RAB15: variants seen among roughly 807,000 people sequenced by gnomAD.
RAB15 encodes the protein ras-related protein Rab-15.
Under a neutral mutation model 31.8 loss-of-function variants are expected in RAB15, and 13 were observed. The ratio of observed to expected loss-of-function variants is 0.41; its 90% CI spans 0.27 to 0.65. The LOEUF is 0.65. RAB15 is among the 30% of genes least tolerant of loss of function. The pLI is 0.32. For synonymous variants in RAB15, 100 were observed against 105.6 expected, an observed-to-expected ratio of 0.95 and a Z score of 0.33; for missense variants, 220 against 277.3, an observed-to-expected ratio of 0.79 and a Z score of 1.47.
At chr14:64,960,260 G>T (rs1034742387) in intron 1 of RAB15, among the ~76,000 whole-genome samples, 2 of 152,218 alleles carry the variant, frequency 1.3e-5, no homozygotes, top group African/African-American at 4.8e-5. Context: ...AAGCTAGCTC[G>T]CCTTGGGTGG....
rs1165658897 is a variant in RAB15, at chr14:64,952,110, C to T, written c.185+401G>A. ...CCTCAGGCAGAGAGCCACAGCAGCA[C>T]CCTCTGCTACTGTGGAAACTTCATC... On this transcript the variant is annotated intron_variant, in intron 2 of 6. Transcript: ENST00000533601. This position sits in a 1 kb window ranked among gnomAD's most constrained non-coding sequence, Gnocchi z 4.2. Among the ~76,000 whole-genome samples, 1 of 152,208 alleles carries T rather than the reference C, an allele frequency of 6.6e-6. No individual in the cohort carries two copies. Among genetic ancestry groups the T allele is most frequent in the Non-Finnish European group, 1.5e-5 (1 of 68,034 alleles).
rs1886175341 is a variant in RAB15 at position 64,950,257 on chromosome 14, A to C, written c.414+68T>G. The C allele has an allele frequency of 7.6e-7, 1 of 1,319,554 alleles. No homozygotes were observed. Among genetic ancestry groups the C allele is most frequent in the African/African-American group, 1.5e-5 (1 of 68,702 alleles). The allele number at this position is 1,319,554 out of a possible 1,614,324, so 81.7% of individuals were successfully genotyped here. A position where few individuals can be genotyped will look rare whatever the true frequency, so the allele number is the denominator to read the frequency against. On this transcript the variant is annotated intron_variant, in intron 5 of 6. Transcript: ENST00000533601. This position sits in a 1 kb window ranked among gnomAD's most constrained non-coding sequence, Gnocchi z 5.6. ...CTGGGGAACACACCCCTAGGTCCCC[A>C]CGCTCAGGACTGGCCCTGGAGGCCC...
At position 64,948,252 on chromosome 14, in the gene RAB15, A is replaced by G; in HGVS notation, c.*102T>C. On this transcript the variant is annotated 3_prime_UTR_variant, in exon 7 of 7. Coordinates refer to ENST00000533601, the MANE Select transcript of RAB15 (RefSeq NM_001308154.2). The surrounding 1 kb of genome is among the most constrained non-coding windows in gnomAD (Gnocchi z 7.0). ...GTGGCTACTGATACTCAATAGGGTC[A>G]TCACACGAGAGGACAGCAGCAGGGC... 1 of 1,258,800 alleles carries G rather than the reference A, an allele frequency of 7.9e-7. No individual in the cohort carries two copies. The highest frequency in any genetic ancestry group is 1.1e-6 in the Non-Finnish European group (1 of 943,642). The allele number at this position is 1,258,800 out of a possible 1,614,324, so 78.0% of individuals were successfully genotyped here.
rs117473421 is a variant in RAB15, at chr14:64,962,792, G to C, written c.124+9161C>G. Among the ~76,000 whole-genome samples the C allele has an allele frequency of 1.4e-3, 206 of 152,274 alleles. 1 individual carries two copies. The highest frequency in any genetic ancestry group is 2.4e-3 in the Non-Finnish European group (162 of 68,028). ...GCAGCAAGACCCCTCCCTTCTCTCA[G>C]GTCTTGTGTGGACCCTCACATGTGC... On this transcript the variant is annotated intron_variant, in intron 1 of 6. Transcript: ENST00000533601. The surrounding 1 kb of genome is among the most constrained non-coding windows in gnomAD (Gnocchi z 4.2).
rs1012190265 is a variant in RAB15 at position 64,953,722 on chromosome 14, C to G, written c.125-1151G>C. ...TTGCTGACCATGCCTCTCCCCAACT[C>G]TAACTATACCCAGGCACTATGCCCA... On this transcript the variant is annotated intron_variant, in intron 1 of 6. Coordinates refer to ENST00000533601, the MANE Select transcript of RAB15 (RefSeq NM_001308154.2). This position sits in a 1 kb window ranked among gnomAD's most constrained non-coding sequence, Gnocchi z 4.6. 2.2e-6 allele frequency: 2 copies of G among 901,644 alleles called. No homozygotes were observed. Among genetic ancestry groups the G allele is most frequent in the African/African-American group, 3.6e-5 (2 of 55,470 alleles). The allele number at this position is 901,644 out of a possible 1,614,324, so 55.9% of individuals were successfully genotyped here. A position where few individuals can be genotyped will look rare whatever the true frequency, so the allele number is the denominator to read the frequency against.
chr14:64,948,305 G>A lies in RAB15; in HGVS notation c.*49C>T, dbSNP rs1277669166. On this transcript the variant is annotated 3_prime_UTR_variant, in exon 7 of 7. Coordinates refer to ENST00000533601, the MANE Select transcript of RAB15 (RefSeq NM_001308154.2). The surrounding 1 kb of genome is among the most constrained non-coding windows in gnomAD (Gnocchi z 7.0). ...AGCCCCGGCTCCCCTGTCTGCCCAC[G>A]GGCCTCCTGAGGGAAGAGGGGTGTC... 25 of 1,446,824 alleles carry A rather than the reference G, an allele frequency of 1.7e-5. No homozygotes were observed. Among genetic ancestry groups the A allele is most frequent in the South Asian group, 5.8e-5 (4 of 69,510 alleles). The allele number at this position is 1,446,824 out of a possible 1,614,324, so 89.6% of individuals were successfully genotyped here.
rs1445323480 is a variant in RAB15, at chr14:64,971,214, C to T, written c.124+739G>A. 1.3e-5 allele frequency among the ~76,000 whole-genome samples: 2 copies of T among 152,196 alleles called. No individual in the cohort carries two copies. The highest frequency in any genetic ancestry group is 2.9e-5 in the Non-Finnish European group (2 of 68,032). On this transcript the variant is annotated intron_variant, in intron 1 of 6. Coordinates refer to ENST00000533601, the MANE Select transcript of RAB15 (RefSeq NM_001308154.2). The surrounding 1 kb of genome is among the most constrained non-coding windows in gnomAD (Gnocchi z 4.1). Reference sequence around the variant, plus strand: ...CATCATAGTGCTGTCTGGGATGCCACCGGGTCTTGTCCCTCTAACCACAGG... The same window carrying T: ...CATCATAGTGCTGTCTGGGATGCCATCGGGTCTTGTCCCTCTAACCACAGG...
At position 64,950,236 on chromosome 14, in the gene RAB15, G is replaced by C. The variant is rs1377927405; in HGVS notation, c.414+89C>G. On this transcript the variant is annotated intron_variant, in intron 5 of 6. Transcript: ENST00000533601. This position sits in a 1 kb window ranked among gnomAD's most constrained non-coding sequence, Gnocchi z 5.6. ...GACGTGTGGGAGGACCTGCCACTGG[G>C]GAACACACCCCTAGGTCCCCACGCT... The C allele has an allele frequency of 9.1e-7, 1 of 1,094,144 alleles. No individual in the cohort carries two copies. The highest frequency in any genetic ancestry group is 1.4e-6 in the Non-Finnish European group (1 of 710,622). 67.8% of individuals were successfully genotyped at this position (1,094,144 alleles called of 1,614,324 possible).
At chr14:64,967,593 A>AT (rs913102014) in intron 1 of RAB15, among the ~76,000 whole-genome samples, 21 of 151,952 alleles carry the variant, frequency 1.4e-4, no homozygotes, top group African/African-American at 5.1e-4. Flanking sequence ...CTCAAAAAAA[A>AT]AAAAATAGAA....
rs1402959540 is a variant in RAB15, at chr14:64,955,638, T to TTCTCCACTGTTTTA, written c.125-3081_125-3068dup. Among the ~76,000 whole-genome samples, 31 of 152,332 alleles carry TTCTCCACTGTTTTA rather than the reference T, an allele frequency of 2.0e-4. No homozygotes were observed. In the East Asian group the frequency reaches 5.6e-3, roughly 27 times the overall value. ...ACCCCTGTGCTCTCAGCAGGATACC[T>TTCTCCACTGTTTTA]TCTCCACTGTTTTATGGCCCAGATG... On this transcript the variant is annotated intron_variant, in intron 1 of 6. Coordinates refer to ENST00000533601, the MANE Select transcript of RAB15 (RefSeq NM_001308154.2). The surrounding 1 kb of genome is among the most constrained non-coding windows in gnomAD (Gnocchi z 4.4).
Position 64,950,423 on chromosome 14 carries a change from A to C in RAB15, c.325-9T>G. 1.2e-6 allele frequency: 2 copies of C among 1,611,740 alleles called. No individual in the cohort carries two copies. The stretch of plus-strand genomic sequence containing the variant: ...ACGCCTTCTGGTGCGTACTAGGGAC[A>C]AAGGATGGGCAGAACAGCCAGTGAG... On this transcript the variant is annotated splice_polypyrimidine_tract_variant and intron_variant, in intron 4 of 6. Coordinates refer to ENST00000533601, the MANE Select transcript of RAB15 (RefSeq NM_001308154.2). The surrounding 1 kb of genome is among the most constrained non-coding windows in gnomAD (Gnocchi z 5.6).
chr14:64,951,516 G>C lies in RAB15; in HGVS notation c.246+87C>G. ...CCAAGCAGGCGAACTGTATTTAGGG[G>C]ATCCGTGGCACAGACATCTCAAATA... is the stretch of plus-strand genomic sequence containing the variant. On this transcript the variant is annotated intron_variant, in intron 3 of 6. Transcript: ENST00000533601. This position sits in a 1 kb window ranked among gnomAD's most constrained non-coding sequence, Gnocchi z 7.2. The C allele has an allele frequency of 8.3e-7, 1 of 1,202,954 alleles. No homozygotes were observed. Among genetic ancestry groups the C allele is most frequent in the Non-Finnish European group, 1.2e-6 (1 of 804,250 alleles). The allele number at this position is 1,202,954 out of a possible 1,614,324, so 74.5% of individuals were successfully genotyped here.
chr14:64,966,255 T>A lies in RAB15; in HGVS notation c.124+5698A>T, dbSNP rs1887131711. Reference sequence around the variant, plus strand: ...AGCATGGCACCTGGCATGTAGTTGGTGTTCAGCAAATAGCGCCTGAACGAC... The same window carrying A: ...AGCATGGCACCTGGCATGTAGTTGGAGTTCAGCAAATAGCGCCTGAACGAC... On this transcript the variant is annotated intron_variant, in intron 1 of 6. Coordinates refer to ENST00000533601, the MANE Select transcript of RAB15 (RefSeq NM_001308154.2). Among the ~76,000 whole-genome samples, 5 of 152,358 alleles carry A rather than the reference T, an allele frequency of 3.3e-5. No homozygotes were observed. In the South Asian group the frequency reaches 1.0e-3, roughly 32 times the overall value.
chr14:64,957,600 C>T (rs1886646902), intron 1 of RAB15, among the ~76,000 whole-genome samples: 1 of 152,208 alleles, frequency 6.6e-6, no homozygotes, highest in South Asian at 2.1e-4. Context: ...CAGCATACCC[C>T]TGAGCTATGG....
chr14:64,971,563 C>T lies in RAB15; in HGVS notation c.124+390G>A, dbSNP rs1224628750. ...GGCGCCTCAGTGACTCCGGTCTCCA[C>T]CCTGACCCCCTTTTCCGTAGCAGAA... is the stretch of plus-strand genomic sequence containing the variant. On this transcript the variant is annotated intron_variant, in intron 1 of 6. Coordinates refer to ENST00000533601, the MANE Select transcript of RAB15 (RefSeq NM_001308154.2). The surrounding 1 kb of genome is among the most constrained non-coding windows in gnomAD (Gnocchi z 4.1). Among the ~76,000 whole-genome samples the T allele has an allele frequency of 2.0e-5, 3 of 152,034 alleles. No individual in the cohort carries two copies. The highest frequency in any genetic ancestry group is 7.2e-5 in the African/African-American group (3 of 41,408).
chr14:64,954,008 T>C lies in RAB15; in HGVS notation c.125-1437A>G. On this transcript the variant is annotated intron_variant, in intron 1 of 6. Coordinates refer to ENST00000533601, the MANE Select transcript of RAB15 (RefSeq NM_001308154.2). This position sits in a 1 kb window ranked among gnomAD's most constrained non-coding sequence, Gnocchi z 4.3. ...CCCTTATCTGTGCTGTCCCCAGCTT[T>C]CTACAAAGGCAAACAAATTAAATTC... 1.0e-6 allele frequency: 1 copy of C among 985,418 alleles called. No homozygotes were observed. The highest frequency in any genetic ancestry group is 1.2e-6 in the Non-Finnish European group (1 of 829,922). 61.0% of individuals were successfully genotyped at this position (985,418 alleles called of 1,614,324 possible).
chr14:64,951,744 T>TAGG lies in RAB15; in HGVS notation c.186-84_186-82dup. On this transcript the variant is annotated intron_variant, in intron 2 of 6. Transcript: ENST00000533601. This position sits in a 1 kb window ranked among gnomAD's most constrained non-coding sequence, Gnocchi z 7.2. ...GGGGAAGAGCAGAGCTGTCCCCTTG[T>TAGG]AGGAAAAACTGGGGAGCTAAAGGGT... 4.0e-6 allele frequency: 5 copies of TAGG among 1,252,548 alleles called. No homozygotes were observed. The highest frequency in any genetic ancestry group is 5.9e-6 in the Non-Finnish European group (5 of 851,436). The allele number at this position is 1,252,548 out of a possible 1,614,324, so 77.6% of individuals were successfully genotyped here.
At position 64,951,118 on chromosome 14, in the gene RAB15, G is replaced by T. The variant is rs367753617; in HGVS notation, c.280C>A (p.Arg94Ser). 4.0e-5 allele frequency: 64 copies of T among 1,612,406 alleles called. No individual in the cohort carries two copies. Among genetic ancestry groups the T allele is most frequent in the Non-Finnish European group, 4.5e-5 (53 of 1,179,922 alleles). The change falls in exon 4 of 7, where the codon CGC becomes AGC. Residue 94 changes from arginine to serine, a missense_variant. Physicochemically the swap from Arg to Ser is moderately radical, Grantham distance 110. Coordinates refer to ENST00000533601, the MANE Select transcript of RAB15 (RefSeq NM_001308154.2). This position sits in a 1 kb window ranked among gnomAD's most constrained non-coding sequence, Gnocchi z 7.2. ...IFLVYDISSERSYQHIMKWVS... is the reference protein window; with the variant it reads ...IFLVYDISSESSYQHIMKWVS... ...CACTTCATGATGTGCTGGTAAGAGC[G>T]CTCGCTGCTAATGTCATAGACCAAA...
Position 64,946,629 on chromosome 14 carries a change from T to A in RAB15, c.*1725A>T, listed in dbSNP as rs1268077437. 3 of 152,256 alleles carry A rather than the reference T, an allele frequency of 2.0e-5. No homozygotes were observed. The highest frequency in any genetic ancestry group is 6.5e-5 in the Admixed American group (1 of 15,284). 9.4% of individuals were successfully genotyped at this position (152,256 alleles called of 1,614,324 possible). A position where few individuals can be genotyped will look rare whatever the true frequency, so the allele number is the denominator to read the frequency against. On this transcript the variant is annotated 3_prime_UTR_variant, in exon 7 of 7. Coordinates refer to ENST00000533601, the MANE Select transcript of RAB15 (RefSeq NM_001308154.2). ...GGTTTGGTAAGTCAGGAGGAAAGGTTTGATGGTTCTTTCCCCACTTCTTTT... is the reference window on the plus strand; with the variant it reads ...GGTTTGGTAAGTCAGGAGGAAAGGTATGATGGTTCTTTCCCCACTTCTTTT...
Sources: allele counts gnomAD v4.1 joint callset (sites outside exome capture counted in the v4.1 genomes callset), GRCh38; gene constraint gnomAD v4.1.1; non-coding constraint Gnocchi (gnomAD v3.1); transcripts MANE v1.5; gene names NCBI Gene and HGNC (gene_info 2026-07-23, HGNC 2026-07-21).